The following CORO1B variants were observed in gnomAD, a reference collection of about 807,000 sequenced individuals.
The protein encoded by CORO1B is coronin 1B, also known as coronin-1B.
In CORO1B, 30 loss-of-function variants were observed where a neutral mutation model predicts 51.1. The ratio of observed to expected loss-of-function variants is 0.59; its 90% CI spans 0.44 to 0.80. The LOEUF is 0.80. CORO1B is among the 30% of genes least tolerant of loss of function. CORO1B has a pLI of 0.00. For synonymous variants in CORO1B, 310 were observed against 289.7 expected, an observed-to-expected ratio of 1.07 and a Z score of -0.71; for missense variants, 648 against 700.4, an observed-to-expected ratio of 0.93 and a Z score of 0.84.
At chr11:67,442,388 C>A (rs765895082) in intron 2 of CORO1B, 40 bp downstream of exon 2, 3 of 1,597,832 alleles carry the variant, frequency 1.9e-6, no homozygotes, top group Non-Finnish European at 2.6e-6. Context: ...GTAGGGGTGG[C>A]CGAGGTGCCT....
upstream of CORO1B, chr11:67,443,573 G>A (rs935000121): frequency 8.4e-6 from 6 of 716,846 alleles, no homozygotes; most frequent in Non-Finnish European, 1.0e-5. Flanking sequence ...GGGCTGGGCG[G>A]GAGGCTGAGC....
intron 8 of CORO1B, 91 bp downstream of exon 8, chr11:67,440,027 C>T (rs527550072): frequency 1.1e-4 from 162 of 1,523,042 alleles, no homozygotes; most frequent in Middle Eastern, 2.4e-4. Flanking sequence ...GCCTCCCTGG[C>T]GCAAGGTTTC....
intron 10 of CORO1B, 31 bp from the exon 11 acceptor site, chr11:67,438,532 G>A (rs778858291): frequency 1.6e-5 from 25 of 1,586,840 alleles, no homozygotes; most frequent in Admixed American, 5.1e-5. Context: ...GGTAGGGGGC[G>A]GTGGTCAGGG....
Position 67,439,024 on chromosome 11 carries a change from C to T in CORO1B, c.1066-75G>A, listed in dbSNP as rs560658527. ...GTCCCCTCATCCCTCCCCTGGCCTC[C>T]AGGCTTGCACTCTGTTAACCCATTC... On this transcript the variant is annotated intron_variant, in intron 9 of 10. Coordinates refer to ENST00000341356, the MANE Select transcript of CORO1B (RefSeq NM_020441.3). 3 of 1,463,738 alleles carry T rather than the reference C, an allele frequency of 2.0e-6. No homozygotes were observed. The African/African-American group carries it at 4.1e-5, about 20-fold the overall frequency. The allele number at this position is 1,463,738 out of a possible 1,614,324, so 90.7% of individuals were successfully genotyped here.
chr11:67,442,123 C>A, intron 2 of CORO1B, 35 bp from the exon 3 acceptor site: 1 of 1,600,094 alleles, frequency 6.2e-7, no homozygotes, highest in Non-Finnish European at 8.5e-7. Flanking sequence ...TGGGCTCCAT[C>A]CCTCCCGAAG....
At chr11:67,441,632 G>T (rs1312200945) in intron 4 of CORO1B, 101 bp downstream of exon 4, 1 of 1,504,998 alleles carries the variant, frequency 6.6e-7, no homozygotes, top group South Asian at 1.1e-5. Flanking sequence ...AACTCTGAGG[G>T]CCTCAGCTTT....
intron 8 of CORO1B, 43 bp from the exon 9 acceptor site, chr11:67,439,886 C>G: frequency 6.5e-7 from 1 of 1,537,446 alleles, no homozygotes; most frequent in Non-Finnish European, 8.8e-7. Context: ...CCTCACCGCC[C>G]CCCCCACCCA....
intron 6 of CORO1B, 115 bp downstream of exon 6, chr11:67,441,010 C>G: frequency 6.6e-7 from 1 of 1,517,750 alleles, no homozygotes; most frequent in Non-Finnish European, 9.0e-7. Flanking sequence ...CCCTGAGAGC[C>G]TCAAGTTCCA....
upstream of CORO1B, chr11:67,443,706 C>A (rs1483498443): frequency 2.5e-5 from 25 of 984,258 alleles, no homozygotes; most frequent in African/African-American, 8.7e-5. Flanking sequence ...GGGGCAGGGC[C>A]GACGGCGGCC....
At chr11:67,439,643 C>A (rs1193988423) in intron 9 of CORO1B, 143 bp downstream of exon 9, 3 of 913,514 alleles carry the variant, frequency 3.3e-6, no homozygotes, top group African/African-American at 1.6e-5. Context: ...CTGGCTGGTA[C>A]AAGGGCAAGC....
Position 67,440,226 on chromosome 11 carries a change from T to C in CORO1B, c.899A>G (p.Glu300Gly), listed in dbSNP as rs1388960510. ...GTTCAGGAAGTGGATGTAGGGAGGC[T>C]CCTCTGTGATCTCAAAGTACCGGAT... ...SSIRYFEITE[E>G]PPYIHFLNTF... The change falls in exon 8 of 11, where the codon GAG (glutamate) becomes GGG (glycine). Residue 300 changes from glutamate to glycine, a missense_variant. Transcript: ENST00000341356. 2 of 1,613,870 alleles carry C rather than the reference T, an allele frequency of 1.2e-6. No individual in the cohort carries two copies. The highest frequency in any genetic ancestry group is 1.7e-6 in the Non-Finnish European group (2 of 1,179,966).
In CORO1B at chr11:67,440,392, G is replaced by A. The variant is rs113486147; in HGVS notation, c.804C>T (p.Asn268=). The A allele has an allele frequency of 7.7e-4, 1,248 of 1,613,910 alleles. 11 individuals carry two copies. The African/African-American group carries it at 0.014, about 18-fold the overall frequency. The change falls in exon 7 of 11, where the codon AAC becomes AAT. Residue 268 remains asparagine, a synonymous_variant. Coordinates refer to ENST00000341356, the MANE Select transcript of CORO1B (RefSeq NM_020441.3). The stretch of plus-strand genomic sequence containing the variant: ...GGTCGTAGAAGGGCAGCAGGGCCCC[G>A]TTGCTCGAGTCCAGTTCCTGCAGGG... ...PMALQELDSS[N]GALLPFYDPD...
chr11:67,438,482 T>A lies in CORO1B; in HGVS notation c.1364A>T (p.Glu455Val), dbSNP rs1565152084. 2.5e-6 allele frequency: 4 copies of A among 1,608,746 alleles called. No individual in the cohort carries two copies. Among genetic ancestry groups the A allele is most frequent in the Non-Finnish European group, 3.4e-6 (4 of 1,177,158 alleles). The change falls in exon 11 of 11, where the codon GAG becomes GTG. Residue 455 changes from glutamate (E) to valine (V), a missense_variant. By Grantham distance (121) the Glu-to-Val change is moderately radical. Coordinates refer to ENST00000341356, the MANE Select transcript of CORO1B (RefSeq NM_020441.3). ...CAGGGCCCGCAGCTCCTGCATCACC[T>A]CCTCCAGCTTCCCAGCCTCCTGTGG... is the stretch of plus-strand genomic sequence containing the variant. ...ARAGEAGKLE[E>V]VMQELRALRA...
chr11:67,442,750 G>T, intron 1 of CORO1B, 120 bp from the exon 2 acceptor site: 2 of 976,992 alleles, frequency 2.0e-6, no homozygotes, highest in South Asian at 1.6e-5. Context: ...ACCCTCCTGG[G>T]TCTCGGTTTA....
At position 67,438,961 on chromosome 11, in the gene CORO1B, G is replaced by A. The variant is rs1195838083; in HGVS notation, c.1066-12C>T. On this transcript the variant is annotated splice_polypyrimidine_tract_variant and intron_variant, in intron 9 of 10. Coordinates refer to ENST00000341356, the MANE Select transcript of CORO1B (RefSeq NM_020441.3). ...TGGAAGAGGTCCGACTGGGCAGGGG[G>A]CCGGGGAGGTCAGGATCAGTTAGGA... The A allele has an allele frequency of 6.3e-6, 10 of 1,593,156 alleles. No individual in the cohort carries two copies. The highest frequency in any genetic ancestry group is 8.6e-6 in the Non-Finnish European group (10 of 1,168,238).
Position 67,438,195 on chromosome 11 carries a change from AG to A in CORO1B, c.*180del. 1.4e-6 allele frequency: 1 copy of A among 704,222 alleles called. No individual in the cohort carries two copies. Among genetic ancestry groups the A allele is most frequent in the Non-Finnish European group, 2.2e-6 (1 of 445,952 alleles). 43.6% of individuals were successfully genotyped at this position (704,222 alleles called of 1,614,324 possible). On this transcript the variant is annotated 3_prime_UTR_variant, in exon 11 of 11. Transcript: ENST00000341356. ...TCGCCTGGGCGTAGACATCCTCCAC[AG>A]GAACAGTGAGGAAAGCTGGGCGCTG... is the stretch of plus-strand genomic sequence containing the variant.
Position 67,438,964 on chromosome 11 carries a change from G to A in CORO1B, c.1066-15C>T, listed in dbSNP as rs775085373. The A allele has an allele frequency of 1.3e-5, 21 of 1,589,874 alleles. No homozygotes were observed. In the African/African-American group the frequency reaches 1.3e-4, roughly 10 times the overall value. ...AAGAGGTCCGACTGGGCAGGGGGCC[G>A]GGGAGGTCAGGATCAGTTAGGAGGC... On this transcript the variant is annotated splice_polypyrimidine_tract_variant and intron_variant, in intron 9 of 10. Transcript: ENST00000341356.
Position 67,437,548 on chromosome 11 carries a change from G to A in CORO1B, c.*828C>T. The A allele has an allele frequency of 7.5e-7, 1 of 1,328,172 alleles. No homozygotes were observed. The highest frequency in any genetic ancestry group is 3.0e-5 in the Admixed American group (1 of 32,872). 82.3% of individuals were successfully genotyped at this position (1,328,172 alleles called of 1,614,324 possible). ...ATGTGGGGCCCTCCTTAGCTCCACAGGCCCAGACATTCTAGCCCCGACCGC... is the reference window on the plus strand; with the variant it reads ...ATGTGGGGCCCTCCTTAGCTCCACAAGCCCAGACATTCTAGCCCCGACCGC... On this transcript the variant is annotated 3_prime_UTR_variant, in exon 11 of 11. Transcript: ENST00000341356.
rs370892336 is a variant in CORO1B, at chr11:67,437,643, G to A, written c.*733C>T. 7.6e-5 allele frequency: 104 copies of A among 1,364,736 alleles called. No individual in the cohort carries two copies. In the African/African-American group the frequency reaches 1.3e-3, roughly 18 times the overall value. The allele number at this position is 1,364,736 out of a possible 1,614,324, so 84.5% of individuals were successfully genotyped here. A position where few individuals can be genotyped will look rare whatever the true frequency, so the allele number is the denominator to read the frequency against. On this transcript the variant is annotated 3_prime_UTR_variant, in exon 11 of 11. Coordinates refer to ENST00000341356, the MANE Select transcript of CORO1B (RefSeq NM_020441.3). ...ATTGGTCCGCAGGCCCCTCCGTGCCGGGCACCCACCTCCAGCTCTGGCTGT... is the reference window on the plus strand; with the variant it reads ...ATTGGTCCGCAGGCCCCTCCGTGCCAGGCACCCACCTCCAGCTCTGGCTGT...
Sources: gnomAD v4.1 joint callset for allele counts on GRCh38, gnomAD v4.1.1 for gene constraint, MANE v1.5 for transcripts, NCBI Gene and HGNC (gene_info 2026-07-23, HGNC 2026-07-21) for gene names.